The following SORBS2 variants were observed in gnomAD, a reference collection of about 807,000 sequenced individuals.
The protein encoded by SORBS2 is sorbin and SH3 domain-containing protein 2.
A neutral mutation model predicts 97.7 loss-of-function variants in SORBS2; 46 were observed. That is an observed-to-expected ratio of 0.47 (90% CI 0.37 to 0.60). The LOEUF (loss-of-function observed/expected upper bound fraction) is 0.60, where lower values mean the gene tolerates loss of function less well. Ranked by LOEUF, SORBS2 falls within the 20% of genes least tolerant of loss-of-function variation. The probability of loss-of-function intolerance (pLI) is 0.00; values close to 1 mark genes in which losing one functional copy is unlikely to be tolerated. For synonymous variants in SORBS2, 476 were observed against 473.4 expected, an observed-to-expected ratio of 1.01 and a Z score of -0.07; for missense variants, 1,316 against 1,282.3, an observed-to-expected ratio of 1.03 and a Z score of -0.40.
Position 185,677,034 on chromosome 4 carries a change from G to A in SORBS2, c.-46+1389C>T, listed in dbSNP as rs758227091. On this transcript the variant is annotated intron_variant, in intron 4 of 20. Coordinates refer to the SORBS2 transcript ENST00000284776. ...TGAGGACTGAGAGGCCGCTGCAACT[G>A]CAGATTTTTGTCTCTCTTGCTGAAG... is the stretch of plus-strand genomic sequence containing the variant. 3.1e-5 allele frequency: 48 copies of A among 1,551,168 alleles called. No homozygotes were observed. In the Middle Eastern group the frequency reaches 5.3e-4, roughly 17 times the overall value.
intron 1 of SORBS2, among the ~76,000 whole-genome samples, chr4:185,870,365 C>T (rs139233469): frequency 1.4e-4 from 22 of 152,290 alleles, no homozygotes; most frequent in African/African-American, 5.3e-4. Flanking sequence ...AGCTCTGAGC[C>T]CTGCATCTCT....
chr4:185,827,729 C>CCATCACCATCATCAT (rs1262726686), intron 1 of SORBS2, among the ~76,000 whole-genome samples: 94 of 61,460 alleles, frequency 1.5e-3, no homozygotes, highest in African/African-American at 2.5e-3. Context: ...ACCATCATCA[C>CCATCACCATCATCAT]CATCATCATC....
intron 1 of SORBS2, among the ~76,000 whole-genome samples, chr4:185,801,108 C>A (rs148565763): frequency 4.5e-4 from 69 of 152,338 alleles, no homozygotes; most frequent in African/African-American, 1.6e-3. Flanking sequence ...CATTTAGACT[C>A]CACATATAAG....
At chr4:185,820,391 C>A (rs1251861661) in intron 1 of SORBS2, among the ~76,000 whole-genome samples, 1 of 152,220 alleles carries the variant, frequency 6.6e-6, no homozygotes, top group African/African-American at 2.4e-5. Flanking sequence ...TAAATTGGCA[C>A]CAGTTTCCTA....
chr4:185,935,711 T>C (rs894894453), intron 1 of SORBS2, among the ~76,000 whole-genome samples: 2 of 152,172 alleles, frequency 1.3e-5, no homozygotes, highest in African/African-American at 4.8e-5. Flanking sequence ...GAGATATGTA[T>C]ATGGGTGGAA....
chr4:185,864,788 C>T (rs2099225851), intron 1 of SORBS2, among the ~76,000 whole-genome samples: 1 of 151,646 alleles, frequency 6.6e-6, no homozygotes, highest in Admixed American at 6.6e-5. Flanking sequence ...GTCAGGTGCC[C>T]GTAATAACAA....
chr4:185,606,712 G>A lies in SORBS2; in HGVS notation c.2796+5068C>T, dbSNP rs1283028355. ...CTCCTCTTCAATGTGCAGGTGTGGG[G>A]TGCCCTCTGACCCATCGTGGCCACA... On this transcript the variant is annotated intron_variant, in intron 12 of 14. Coordinates refer to ENST00000418609, the Ensembl canonical transcript of SORBS2. The surrounding 1 kb of genome is among the most constrained non-coding windows in gnomAD (Gnocchi z 4.3). 4.1e-6 allele frequency: 4 copies of A among 985,122 alleles called. No individual in the cohort carries two copies. 61.0% of individuals were successfully genotyped at this position (985,122 alleles called of 1,614,324 possible).
intron 9 of SORBS2, 89 bp downstream of exon 21, chr4:185,618,496 A>G (rs988981260): frequency 2.2e-5 from 14 of 642,312 alleles, no homozygotes; most frequent in Middle Eastern, 3.4e-4. Context: ...CCTCATTTGT[A>G]ACAGATCCTA....
chr4:185,765,138 CAATA>C (rs1433486051), intron 2 of SORBS2, among the ~76,000 whole-genome samples: 1 of 151,760 alleles, frequency 6.6e-6, no homozygotes, highest in Non-Finnish European at 1.5e-5. Flanking sequence ...GAAATGCCTT[CAATA>C]AATAAATGAA....
At chr4:185,667,125 T>A (rs558332641) in intron 4 of SORBS2, among the ~76,000 whole-genome samples, 1 of 152,284 alleles carries the variant, frequency 6.6e-6, no homozygotes, top group Non-Finnish European at 1.5e-5. Flanking sequence ...CCGAAGCAAC[T>A]TTTCTTACTT....
chr4:185,690,036 GAC>G (rs1029899566), intron 2 of SORBS2, among the ~76,000 whole-genome samples: 6 of 152,186 alleles, frequency 3.9e-5, no homozygotes, highest in African/African-American at 9.7e-5. Flanking sequence ...ACAGTTTAGA[GAC>G]ACAGTTGTTA....
chr4:185,598,883 T>TA (rs35153444), intron 12 of SORBS2, among the ~76,000 whole-genome samples: 91 of 146,728 alleles, frequency 6.2e-4, no homozygotes, highest in African/African-American at 1.4e-3. Flanking sequence ...AGGCAAAAAA[T>TA]AAAAAAAAAA....
intron 2 of SORBS2, among the ~76,000 whole-genome samples, chr4:185,741,404 G>GTTTTTTTTTTTTTTTTTT (rs58376567): frequency 9.0e-6 from 1 of 111,666 alleles, no homozygotes; most frequent in Non-Finnish European, 1.7e-5. Flanking sequence ...TTTTTTTTTT[G>GTTTTTTTTTTTTTTTTTT]TTTTTTTTTT....
At chr4:185,658,911 C>T (rs2016862), upstream of SORBS2, among the ~76,000 whole-genome samples, 86,773 of 151,720 alleles carry the variant, frequency 0.57, 26,389 homozygotes, top group East Asian at 0.79. Context: ...TTTCACCATG[C>T]TAGCTAGGAT....
At chr4:185,776,856 C>G (rs1015028988) in intron 1 of SORBS2, among the ~76,000 whole-genome samples, 2 of 146,728 alleles carry the variant, frequency 1.4e-5, no homozygotes, top group African/African-American at 5.0e-5. Context: ...GCTGAGATCG[C>G]ACCAGTGCAC....
chr4:185,918,815 T>G (rs924445746), intron 1 of SORBS2, among the ~76,000 whole-genome samples: 1 of 152,194 alleles, frequency 6.6e-6, no homozygotes, highest in Non-Finnish European at 1.5e-5. Context: ...GCCTAATGAG[T>G]AGAACTTCTC....
rs369212665 is a variant in SORBS2, at chr4:185,702,698, T to G, written c.-197-23876A>C. Among the ~76,000 whole-genome samples, 40 of 152,120 alleles carry G rather than the reference T, an allele frequency of 2.6e-4. No homozygotes were observed. The South Asian group carries it at 8.1e-3, about 31-fold the overall frequency. The stretch of plus-strand genomic sequence containing the variant: ...ATTGTACTAAAGTGGGAGTCGGTGT[T>G]AAGCCTTGTGTGGGAAGGTATGCTT... On this transcript the variant is annotated intron_variant, in intron 2 of 20. Transcript: ENST00000284776.
intron 1 of SORBS2, among the ~76,000 whole-genome samples, chr4:185,865,419 T>C (rs1180731989): frequency 6.6e-6 from 1 of 152,214 alleles, no homozygotes; most frequent in Non-Finnish European, 1.5e-5. Flanking sequence ...ATCCTCCTGG[T>C]TGAAGTGTCA....
chr4:185,927,827 T>C (rs1019226424), intron 1 of SORBS2, among the ~76,000 whole-genome samples: 23 of 152,212 alleles, frequency 1.5e-4, no homozygotes, highest in Non-Finnish European at 2.9e-4. Context: ...AAAGCCCTTA[T>C]AGGTACTGTT....
Sources: gnomAD v4.1 joint callset for allele counts (sites outside exome capture counted in the v4.1 genomes callset) on GRCh38, gnomAD v4.1.1 for gene constraint, Gnocchi (gnomAD v3.1) non-coding constraint, MANE v1.5 for transcripts, NCBI Gene and HGNC (gene_info 2026-07-23, HGNC 2026-07-21) for gene names.